The following SERPINB10 variants were observed in gnomAD, a reference collection of about 807,000 sequenced individuals.
SERPINB10 encodes the protein serpin family B member 10.
In SERPINB10, 35 loss-of-function variants were observed where a neutral mutation model predicts 39.1. That is an observed-to-expected ratio of 0.90 (90% CI 0.68 to 1.19). The LOEUF is 1.19. Among genes scored for constraint, SERPINB10 ranks in the 50% most tolerant of loss-of-function variants. The pLI, the probability that SERPINB10 is intolerant of heterozygous loss-of-function variation, is 0.00. For missense variants in SERPINB10, 546 were observed against 460.5 expected (o/e 1.19, Z -1.70); for synonymous variants, 190 against 158.1 (o/e 1.20, Z -1.52).
intron 5 of SERPINB10, among the ~76,000 whole-genome samples, chr18:63,928,767 T>C (rs1241577648): frequency 6.6e-6 from 1 of 151,506 alleles, no homozygotes; most frequent in East Asian, 1.9e-4. Context: ...TGACATCCCT[T>C]GTAAGTTGGA....
At chr18:63,929,712 CAA>C (rs74169990) in intron 5 of SERPINB10, among the ~76,000 whole-genome samples, 24 of 97,360 alleles carry the variant, frequency 2.5e-4, no homozygotes, top group African/African-American at 6.6e-4. Context: ...AGCTAAAGTG[CAA>C]AAAAAAAAAA....
rs1179514986 is a variant in SERPINB10 at position 63,935,668 on chromosome 18, G to C, written c.*426G>C. 6.3e-6 allele frequency: 1 copy of C among 158,034 alleles called. No homozygotes were observed. The highest frequency in any genetic ancestry group is 6.2e-5 in the Admixed American group (1 of 16,058). 9.8% of individuals were successfully genotyped at this position (158,034 alleles called of 1,614,324 possible). ...ATCGTTTTGATCAAAAATTTAGCCC[G>C]GCATGGTGGTGCACACCTGTGTTCC... On this transcript the variant is annotated 3_prime_UTR_variant, in exon 8 of 8. Transcript: ENST00000238508.
At chr18:63,912,287 C>T (rs1457160889) in intron 1 of SERPINB10, among the ~76,000 whole-genome samples, 1 of 151,860 alleles carries the variant, frequency 6.6e-6, no homozygotes, top group Admixed American at 6.6e-5. Context: ...TTTCTCTTGT[C>T]TCATTGCTCT....
intron 5 of SERPINB10, among the ~76,000 whole-genome samples, chr18:63,925,524 CA>C (rs2050175238): frequency 6.6e-6 from 1 of 151,982 alleles, no homozygotes; most frequent in Non-Finnish European, 1.5e-5. Context: ...CAGGAGCCAA[CA>C]GGGGAGGCTT....
At chr18:63,930,579 C>A (rs1004876402) in intron 6 of SERPINB10, among the ~76,000 whole-genome samples, 6 of 152,172 alleles carry the variant, frequency 3.9e-5, no homozygotes, top group Admixed American at 1.3e-4. Context: ...CTACCAAATT[C>A]TTACCCTTAC....
In SERPINB10 at chr18:63,935,608, A is replaced by G. The variant is rs2050257859; in HGVS notation, c.*366A>G. 6.0e-6 allele frequency: 1 copy of G among 166,406 alleles called. No homozygotes were observed. Among genetic ancestry groups the G allele is most frequent in the Non-Finnish European group, 1.3e-5 (1 of 77,782 alleles). The allele number at this position is 166,406 out of a possible 1,614,324, so 10.3% of individuals were successfully genotyped here. A position where few individuals can be genotyped will look rare whatever the true frequency, so the allele number is the denominator to read the frequency against. Reference sequence around the variant, plus strand: ...ATGAAAAAAAATCTTTATAAAGGTGATATGATATTGATAAATACGAAGTTT... The same window carrying G: ...ATGAAAAAAAATCTTTATAAAGGTGGTATGATATTGATAAATACGAAGTTT... On this transcript the variant is annotated 3_prime_UTR_variant, in exon 8 of 8. Coordinates refer to ENST00000238508, the MANE Select transcript of SERPINB10 (RefSeq NM_005024.3).
At chr18:63,908,302 T>A (rs12963330) in intron 1 of SERPINB10, among the ~76,000 whole-genome samples, 1 of 152,092 alleles carries the variant, frequency 6.6e-6, no homozygotes, top group African/African-American at 2.4e-5. Flanking sequence ...CTAGGAATTG[T>A]GGAGTGGAAT....
intron 2 of SERPINB10, among the ~76,000 whole-genome samples, chr18:63,916,034 A>G (rs1381694145): frequency 6.6e-6 from 1 of 152,040 alleles, no homozygotes; most frequent in Non-Finnish European, 1.5e-5. Context: ...CATCTTTATA[A>G]TCACATAAGG....
intron 1 of SERPINB10, among the ~76,000 whole-genome samples, chr18:63,910,489 A>G (rs892331288): frequency 6.6e-6 from 1 of 151,688 alleles, no homozygotes; most frequent in African/African-American, 2.4e-5. Context: ...CCCAGTGTCT[A>G]TTTTTGCCAT....
intron 1 of SERPINB10, among the ~76,000 whole-genome samples, chr18:63,913,728 A>G (rs2050081706): frequency 6.6e-6 from 1 of 152,056 alleles, no homozygotes; most frequent in Admixed American, 6.6e-5. Flanking sequence ...CGTGCAGATG[A>G]GAAGAATGTA....
chr18:63,910,627 T>C (rs762348694), intron 1 of SERPINB10, among the ~76,000 whole-genome samples: 37 of 152,014 alleles, frequency 2.4e-4, no homozygotes, highest in Non-Finnish European at 4.7e-4. Context: ...AGAGACATGA[T>C]TTAATTCCTT....
chr18:63,919,236 A>ATTTTTTTT (rs397969917), intron 4 of SERPINB10, among the ~76,000 whole-genome samples: 134 of 142,890 alleles, frequency 9.4e-4, no homozygotes, highest in African/African-American at 2.8e-3. Context: ...TGAAGGCCTC[A>ATTTTTTTT]TTTTTTTTTT....
chr18:63,910,483 G>C (rs769067166), intron 1 of SERPINB10, among the ~76,000 whole-genome samples: 2 of 151,794 alleles, frequency 1.3e-5, no homozygotes, highest in Non-Finnish European at 2.9e-5. Flanking sequence ...GTAGTCCCCA[G>C]TGTCTATTTT....
intron 5 of SERPINB10, 122 bp from the exon 6 acceptor site, chr18:63,929,923 T>C: frequency 1.0e-6 from 1 of 997,018 alleles, no homozygotes; most frequent in Non-Finnish European, 1.5e-6. Flanking sequence ...TTCCAGAAAA[T>C]CAAAAACCAG....
chr18:63,908,085 C>A (rs1313767042), intron 1 of SERPINB10, 45 bp downstream of exon 1: 3 of 287,926 alleles, frequency 1.0e-5, no homozygotes, highest in Admixed American at 5.4e-5. Flanking sequence ...TTATGTTTTT[C>A]TTCTTGGTTG....
rs1328937236 is a variant in SERPINB10 at position 63,915,656 on chromosome 18, C to T, written c.146C>T (p.Thr49Ile). ...LTIVYLGAKGTTAAQMAQVLQ... is the reference protein window; with the variant it reads ...LTIVYLGAKGITAAQMAQVLQ... ...ATAGTGTATTTGGGCGCCAAAGGTA[C>T]CACTGCAGCCCAAATGGCCCAGGTG... The change falls in exon 2 of 8, where the codon ACC becomes ATC. Residue 49 changes from threonine to isoleucine, a missense_variant. Physicochemically the swap from Thr to Ile is moderately conservative, Grantham distance 89. Coordinates refer to ENST00000238508, the MANE Select transcript of SERPINB10 (RefSeq NM_005024.3). 1.2e-6 allele frequency: 2 copies of T among 1,610,364 alleles called. No individual in the cohort carries two copies. The highest frequency in any genetic ancestry group is 2.2e-5 in the South Asian group (2 of 90,790).
chr18:63,915,521 T>C lies in SERPINB10; in HGVS notation c.11T>C (p.Leu4Pro). 6.2e-7 allele frequency: 1 copy of C among 1,611,610 alleles called. No homozygotes were observed. The highest frequency in any genetic ancestry group is 8.5e-7 in the Non-Finnish European group (1 of 1,178,484). The part of the protein sequence containing the change: MDS[L>P]ATSINQFALE... ...TCTTAGGTTTCCTCAATGGACTCTC[T>C]AGCAACATCAATCAACCAGTTTGCC... Residue 4 changes from leucine to proline, a missense_variant, in exon 2 of 8, where the codon CTA becomes CCA. Physicochemically the swap from Leu to Pro is moderately conservative, Grantham distance 98 (BLOSUM62 -3). Transcript: ENST00000238508.
chr18:63,928,704 A>G (rs530951791), intron 5 of SERPINB10, among the ~76,000 whole-genome samples: 121 of 152,074 alleles, frequency 8.0e-4, no homozygotes, highest in African/African-American at 2.8e-3. Flanking sequence ...ATTTGTTTGT[A>G]TCCTCTTTTA....
intron 5 of SERPINB10, among the ~76,000 whole-genome samples, chr18:63,923,271 TG>T (rs1456658058): frequency 6.6e-6 from 1 of 152,014 alleles, no homozygotes; most frequent in Non-Finnish European, 1.5e-5. Context: ...CACAAATATC[TG>T]CTATTTGGAA....
Sources: allele counts gnomAD v4.1 joint callset (sites outside exome capture counted in the v4.1 genomes callset), GRCh38; gene constraint gnomAD v4.1.1; transcripts MANE v1.5; gene names NCBI Gene and HGNC (gene_info 2026-07-23, HGNC 2026-07-21).